PLAA: variants seen among roughly 807,000 people sequenced by gnomAD.
PLAA encodes the protein phospholipase A2 activating protein, also known as phospholipase A-2-activating protein.
PLAA carries 48 observed loss-of-function variants against 84.1 expected under a neutral mutation model. The ratio of observed to expected loss-of-function variants is 0.57; its 90% CI spans 0.45 to 0.73. PLAA has a LOEUF of 0.73. PLAA is among the 30% of genes least tolerant of loss of function. PLAA has a pLI of 0.00. For synonymous variants in PLAA, 392 were observed against 336.6 expected (o/e 1.16, Z -1.80); for missense variants, 903 against 954.7 (o/e 0.95, Z 0.71).
chr9:26,919,101 T>G, intron 9 of PLAA: 1 of 413,868 alleles, frequency 2.4e-6, no homozygotes, highest in Non-Finnish European at 4.3e-6. Context: ...AGTATGATTG[T>G]ATTTTTGAAA....
chr9:26,907,297 A>G (rs923435408), intron 13 of PLAA, among the ~76,000 whole-genome samples: 1 of 152,136 alleles, frequency 6.6e-6, no homozygotes, highest in African/African-American at 2.4e-5. Context: ...TCCCAGGCTG[A>G]GGCGGGAGGA....
chr9:26,925,776 C>A, intron 6 of PLAA, 49 bp downstream of exon 6: 10 of 1,554,134 alleles, frequency 6.4e-6, no homozygotes, highest in Non-Finnish European at 8.9e-6. Context: ...CTAGTTCCTA[C>A]TGAAGGCCTA....
In PLAA at chr9:26,947,104, C is replaced by A. The variant is rs1461238567; in HGVS notation, c.-59G>T. 3.5e-6 allele frequency: 5 copies of A among 1,420,324 alleles called. No individual in the cohort carries two copies. The African/African-American group carries it at 7.4e-5, about 21-fold the overall frequency. 88.0% of individuals were successfully genotyped at this position (1,420,324 alleles called of 1,614,324 possible). On this transcript the variant is annotated 5_prime_UTR_variant, in exon 1 of 14. Coordinates refer to ENST00000397292, the MANE Select transcript of PLAA (RefSeq NM_001031689.3). ...ACTGTGCGAGACCAGTCCGCAGGGG[C>A]GACTCGGAGAGCGCCGGGCCGCGGC...
intron 6 of PLAA, among the ~76,000 whole-genome samples, chr9:26,924,263 T>C (rs1413453294): frequency 6.6e-6 from 1 of 152,092 alleles, no homozygotes; most frequent in Non-Finnish European, 1.5e-5. Context: ...CCTGAGCAGC[T>C]GGGACTACAA....
chr9:26,937,500 A>G (rs2131417832), intron 1 of PLAA, among the ~76,000 whole-genome samples: 1 of 152,320 alleles, frequency 6.6e-6, no homozygotes, highest in Non-Finnish European at 1.5e-5. Context: ...AATCACACGC[A>G]TACAAATAAA....
intron 12 of PLAA, among the ~76,000 whole-genome samples, chr9:26,909,831 C>T (rs868005667): frequency 5.3e-5 from 8 of 152,200 alleles, no homozygotes; most frequent in Admixed American, 2.0e-4. Flanking sequence ...ACCATGTTAG[C>T]CAGGCTAGTC....
chr9:26,909,796 G>C (rs541749837), intron 12 of PLAA, among the ~76,000 whole-genome samples: 12 of 152,002 alleles, frequency 7.9e-5, no homozygotes, highest in Non-Finnish European at 1.8e-4. Context: ...GCTAATTTTT[G>C]TATTTTTAGT....
chr9:26,926,989 C>A (rs1824989971), intron 4 of PLAA, among the ~76,000 whole-genome samples: 1 of 151,970 alleles, frequency 6.6e-6, no homozygotes, highest in African/African-American at 2.4e-5. Context: ...TTCCTATGTT[C>A]AGTATCTGTT....
intron 2 of PLAA, among the ~76,000 whole-genome samples, chr9:26,933,832 A>G (rs1293530018): frequency 6.6e-6 from 1 of 151,136 alleles, no homozygotes; most frequent in Non-Finnish European, 1.5e-5. Context: ...TTTTAGAGAC[A>G]GGGTCTCACT....
intron 10 of PLAA, among the ~76,000 whole-genome samples, chr9:26,914,338 A>G (rs1294359079): frequency 6.6e-6 from 1 of 152,216 alleles, no homozygotes; most frequent in Non-Finnish European, 1.5e-5. Context: ...ACAACAGCCC[A>G]GTCACATTTT....
Position 26,946,899 on chromosome 9 carries a change from G to C in PLAA, c.147C>G (p.Asp49Glu). Residue 49 changes from aspartate (D) to glutamate (E), a missense_variant and splice_region_variant, in exon 1 of 14, where the codon GAC becomes GAG. Transcript: ENST00000397292. ...RDRTTRLWAP[D>E]SPNRSFTEMH... ...GCAACCCGACTCCCAGCGCTCACCT[G>C]TCTGGGGCCCAGAGGCGGGTGGTGC... The C allele has an allele frequency of 6.3e-7, 1 of 1,580,294 alleles. No individual in the cohort carries two copies.
intron 1 of PLAA, among the ~76,000 whole-genome samples, chr9:26,936,734 T>A (rs1373793703): frequency 6.6e-6 from 1 of 152,166 alleles, no homozygotes; most frequent in Admixed American, 6.5e-5. Context: ...CACTGATTGC[T>A]GCTTTGATCA....
intron 2 of PLAA, among the ~76,000 whole-genome samples, chr9:26,930,669 G>A (rs943811374): frequency 2.7e-5 from 4 of 149,688 alleles, no homozygotes; most frequent in African/African-American, 9.9e-5. Flanking sequence ...TGCAACCTCC[G>A]CTTCCGAGGC....
intron 4 of PLAA, among the ~76,000 whole-genome samples, 200 bp downstream of exon 4, chr9:26,927,900 T>C (rs111833657): frequency 0.073 from 11,158 of 152,276 alleles, 580 homozygotes; most frequent in African/African-American, 0.15. Context: ...TCAGTCTACA[T>C]TTGGCTGTTT....
In PLAA at chr9:26,923,458, T is replaced by C. The variant is rs1183894479; in HGVS notation, c.870-111A>G. ...TCTGTGTTTGTGAATATGAGAAATA[T>C]TAGCATGTTATTAATTGCTGATTAC... On this transcript the variant is annotated intron_variant, in intron 6 of 13. Transcript: ENST00000397292. 25 of 804,812 alleles carry C rather than the reference T, an allele frequency of 3.1e-5. No homozygotes were observed. The Admixed American group carries it at 6.1e-4, about 20-fold the overall frequency. The allele number at this position is 804,812 out of a possible 1,614,324, so 49.9% of individuals were successfully genotyped here.
chr9:26,946,679 C>A (rs1825732168), intron 1 of PLAA, among the ~76,000 whole-genome samples: 1 of 152,240 alleles, frequency 6.6e-6, no homozygotes, highest in Non-Finnish European at 1.5e-5. Flanking sequence ...GTTAGCACAA[C>A]AAGGCAGGTC....
intron 1 of PLAA, among the ~76,000 whole-genome samples, chr9:26,936,881 G>A (rs967733082): frequency 2.0e-5 from 3 of 152,048 alleles, no homozygotes; most frequent in African/African-American, 7.2e-5. Context: ...TGGCTCATGC[G>A]TGTAATCCTA....
intron 10 of PLAA, chr9:26,916,226 C>T (rs1174870365): frequency 2.0e-6 from 2 of 985,208 alleles, no homozygotes; most frequent in African/African-American, 1.7e-5. Context: ...ATTTTTATAG[C>T]TCACAGTACC....
intron 12 of PLAA, among the ~76,000 whole-genome samples, chr9:26,908,720 T>C (rs1824313007): frequency 6.6e-6 from 1 of 151,626 alleles, no homozygotes; most frequent in Non-Finnish European, 1.5e-5. Context: ...GTGACCCACC[T>C]GCCTTGAACT....
Sources: allele counts gnomAD v4.1 joint callset (sites outside exome capture counted in the v4.1 genomes callset), GRCh38; gene constraint gnomAD v4.1.1; transcripts MANE v1.5; gene names NCBI Gene and HGNC (gene_info 2026-07-23, HGNC 2026-07-21).